RPN2: variants seen among roughly 807,000 people sequenced by gnomAD.
RPN2 encodes the protein ribophorin II.
RPN2 carries 29 observed loss-of-function variants against 71.4 expected under a neutral mutation model. The ratio of observed to expected loss-of-function variants is 0.41; its 90% CI spans 0.30 to 0.55. RPN2 has a LOEUF of 0.55. Among genes scored for constraint, RPN2 ranks in the 20% least tolerant of loss-of-function variants. The pLI, the probability that RPN2 is intolerant of heterozygous loss-of-function variation, is 0.35. For synonymous variants in RPN2, 308 were observed against 305.0 expected (o/e 1.01, Z -0.10); for missense variants, 726 against 774.1 (o/e 0.94, Z 0.74).
At chr20:37,184,508 T>C in intron 2 of RPN2, 135 bp downstream of exon 2, 1 of 879,338 alleles carries the variant, frequency 1.1e-6, no homozygotes, top group East Asian at 2.6e-5. Flanking sequence ...ATAAGAAATA[T>C]TTGGCCAGGC....
In RPN2 at chr20:37,225,817, T is replaced by C. The variant is rs745377573; in HGVS notation, c.1299+15T>C. On this transcript the variant is annotated intron_variant, in intron 11 of 16. Coordinates refer to ENST00000237530, the MANE Select transcript of RPN2 (RefSeq NM_002951.5). ...CTCCTCACCAGGTCAGGAAGACACC[T>C]AGACAGTTCTCTTAACCTGAAATGT... The C allele has an allele frequency of 2.0e-6, 3 of 1,526,994 alleles. No individual in the cohort carries two copies. In the East Asian group the frequency reaches 6.8e-5, roughly 34 times the overall value. 94.6% of individuals were successfully genotyped at this position (1,526,994 alleles called of 1,614,324 possible).
At chr20:37,195,989 A>G (rs1175329197) in intron 2 of RPN2, among the ~76,000 whole-genome samples, 1 of 152,170 alleles carries the variant, frequency 6.6e-6, no homozygotes, top group Non-Finnish European at 1.5e-5. Context: ...GGACAATACA[A>G]AATAGCTGTT....
chr20:37,201,435 C>G (rs548955303), intron 4 of RPN2, among the ~76,000 whole-genome samples: 1 of 152,136 alleles, frequency 6.6e-6, no homozygotes, highest in Admixed American at 6.5e-5. Flanking sequence ...TAATCACATG[C>G]CACCACACCC....
chr20:37,180,893 T>C lies in RPN2; in HGVS notation c.13+1524T>C, dbSNP rs145954056. Among the ~76,000 whole-genome samples, 1,240 of 152,328 alleles carry C rather than the reference T, an allele frequency of 8.1e-3. 11 individuals are homozygous for C. Among genetic ancestry groups the C allele is most frequent in the Non-Finnish European group, 0.011 (753 of 68,016 alleles). On this transcript the variant is annotated intron_variant, in intron 1 of 16. Transcript: ENST00000237530. Reference sequence around the variant, plus strand: ...GTATTGTTTATTCTCAACACAGTAATACCATTAGAGTGTAAGTCAAATCAC... The same window carrying C: ...GTATTGTTTATTCTCAACACAGTAACACCATTAGAGTGTAAGTCAAATCAC...
intron 2 of RPN2, among the ~76,000 whole-genome samples, chr20:37,186,098 A>G (rs376224564): frequency 1.2e-3 from 189 of 152,298 alleles, no homozygotes; most frequent in African/African-American, 4.5e-3. Context: ...TGGCATGGTG[A>G]GTCCTTACTC....
intron 2 of RPN2, among the ~76,000 whole-genome samples, chr20:37,193,538 T>C (rs907247258): frequency 9.8e-5 from 15 of 152,326 alleles, no homozygotes; most frequent in Admixed American, 9.8e-4. Context: ...CAATATATTT[T>C]AAATAGCTAG....
chr20:37,209,506 T>C (rs1422885668), intron 7 of RPN2, among the ~76,000 whole-genome samples: 2 of 151,512 alleles, frequency 1.3e-5, no homozygotes, highest in African/African-American at 4.9e-5. Context: ...GGTTTCCCTC[T>C]GTTTTCCAGG....
At chr20:37,234,382 T>C (rs976492734) in intron 15 of RPN2, among the ~76,000 whole-genome samples, 5 of 152,380 alleles carry the variant, frequency 3.3e-5, no homozygotes, top group East Asian at 1.9e-4. Context: ...TACTCACTTA[T>C]CGTATCTTTA....
chr20:37,188,016 T>C (rs1427045957), intron 2 of RPN2, among the ~76,000 whole-genome samples: 1 of 152,116 alleles, frequency 6.6e-6, no homozygotes, highest in African/African-American at 2.4e-5. Flanking sequence ...TTAGTGTTTG[T>C]CTAGTTTTGT....
At chr20:37,210,840 A>G (rs576584280) in intron 8 of RPN2, among the ~76,000 whole-genome samples, 95 of 151,962 alleles carry the variant, frequency 6.3e-4, no homozygotes, top group Middle Eastern at 3.4e-3. Context: ...CCTTGCTAAC[A>G]TTTTATAATT....
At chr20:37,233,977 T>C in intron 14 of RPN2, 43 bp from the exon 15 acceptor site, 1 of 1,606,830 alleles carries the variant, frequency 6.2e-7, no homozygotes, top group Non-Finnish European at 8.5e-7. Flanking sequence ...GCTTCCCTTT[T>C]AAGTTCTAAT....
At chr20:37,201,744 A>G (rs1387077075) in intron 4 of RPN2, among the ~76,000 whole-genome samples, 2 of 152,134 alleles carry the variant, frequency 1.3e-5, no homozygotes, top group Admixed American at 1.3e-4. Context: ...TTATATTACT[A>G]CTAATTTGCG....
intron 9 of RPN2, among the ~76,000 whole-genome samples, chr20:37,221,150 T>C (rs568407358): frequency 1.3e-5 from 2 of 152,240 alleles, no homozygotes; most frequent in South Asian, 4.1e-4. Context: ...AGCTGATAGC[T>C]TCCTTATCAC....
intron 15 of RPN2, among the ~76,000 whole-genome samples, chr20:37,234,989 T>C (rs546596135): frequency 6.6e-6 from 1 of 152,314 alleles, no homozygotes; most frequent in African/African-American, 2.4e-5. Flanking sequence ...CTGACCTTAA[T>C]ATTTTTAAAA....
chr20:37,196,638 A>C (rs1023629800), intron 2 of RPN2, among the ~76,000 whole-genome samples: 1 of 152,032 alleles, frequency 6.6e-6, no homozygotes, highest in Non-Finnish European at 1.5e-5. Flanking sequence ...CCTCACCTTC[A>C]TAAAGTGTTA....
At chr20:37,182,600 C>T (rs536126663) in intron 1 of RPN2, among the ~76,000 whole-genome samples, 12 of 152,002 alleles carry the variant, frequency 7.9e-5, no homozygotes, top group Non-Finnish European at 1.6e-4. Flanking sequence ...TTCGCCATGT[C>T]GCCTGGTCTA....
chr20:37,198,074 C>T (rs1024596185), intron 2 of RPN2, among the ~76,000 whole-genome samples: 18 of 152,150 alleles, frequency 1.2e-4, no homozygotes, highest in African/African-American at 4.3e-4. Flanking sequence ...ATAATCTCTA[C>T]CAAAGGATCA....
rs2068399893 is a variant in RPN2, at chr20:37,236,590, A to G, written c.1764A>G (p.Gly588=). ...CACCTCTTCTTGCAGCTATGCTGGG[A>G]CTCATGTATGTCTACTGGACTCAGC... is the stretch of plus-strand genomic sequence containing the variant. ...IFHLGHAAML[G]LMYVYWTQLN... Residue 588 remains glycine (G), a synonymous_variant, in exon 16 of 17, where the codon GGA becomes GGG. Transcript: ENST00000237530. 6.2e-7 allele frequency: 1 copy of G among 1,613,932 alleles called. No homozygotes were observed. The highest frequency in any genetic ancestry group is 1.7e-5 in the Admixed American group (1 of 60,006).
chr20:37,181,436 T>C (rs552008428), intron 1 of RPN2, among the ~76,000 whole-genome samples: 56 of 149,420 alleles, frequency 3.7e-4, no homozygotes, highest in South Asian at 8.4e-4. Context: ...CTTTTCTTTT[T>C]TTTTTTTTTT....
Sources: gnomAD v4.1 joint callset for allele counts (sites outside exome capture counted in the v4.1 genomes callset) on GRCh38, gnomAD v4.1.1 for gene constraint, MANE v1.5 for transcripts, NCBI Gene and HGNC (gene_info 2026-07-23, HGNC 2026-07-21) for gene names.